The following DSEL variants were observed in gnomAD, a reference collection of about 807,000 sequenced individuals.
DSEL encodes the protein dermatan sulfate epimerase like, also known as dermatan-sulfate epimerase-like protein.
DSEL carries 61 observed loss-of-function variants against 96.6 expected under a neutral mutation model. The observed-to-expected ratio is 0.63, with a 90% CI of 0.51 to 0.78. The LOEUF (loss-of-function observed/expected upper bound fraction) is 0.78, where lower values mean the gene tolerates loss of function less well. Ranked by LOEUF, DSEL falls within the 30% of genes least tolerant of loss-of-function variation. The pLI, the probability that DSEL is intolerant of heterozygous loss-of-function variation, is 0.00. For synonymous variants in DSEL, 514 were observed against 502.0 expected, an observed-to-expected ratio of 1.02 and a Z score of -0.32; for missense variants, 1,320 against 1,430.8, an observed-to-expected ratio of 0.92 and a Z score of 1.25.
Position 67,514,744 on chromosome 18 carries a change from C to T in DSEL, c.-136G>A. ...TGTAAATCTGATATGCTGTGAAATC[C>T]AGCTGACATTCAGTACATTTTAAGC... On this transcript the variant is annotated 5_prime_UTR_variant, in exon 2 of 2. Transcript: ENST00000310045. 1 of 1,007,684 alleles carries T rather than the reference C, an allele frequency of 9.9e-7. No individual in the cohort carries two copies. Among genetic ancestry groups the T allele is most frequent in the Non-Finnish European group, 1.5e-6 (1 of 684,954 alleles). 62.4% of individuals were successfully genotyped at this position (1,007,684 alleles called of 1,614,324 possible).
chr18:67,512,006 A>T lies in DSEL; in HGVS notation c.2603T>A (p.Leu868His). 6.2e-7 allele frequency: 1 copy of T among 1,614,132 alleles called. No homozygotes were observed. The highest frequency in any genetic ancestry group is 1.6e-4 in the Middle Eastern group (1 of 6,062). ...TSLPGSGAEI[L>H]KQLFFNSSDF... ...ACTACTGTTGAAAAAAAGTTGTTTG[A>T]GAATTTCAGCTCCTGAACCAGGAAG... The change falls in exon 2 of 2, where the codon CTC (leucine) becomes CAC (histidine). Residue 868 changes from leucine to histidine, a missense_variant. By Grantham distance (99) the Leu-to-His change is moderately conservative (BLOSUM62 -3). Coordinates refer to ENST00000310045, the MANE Select transcript of DSEL (RefSeq NM_032160.3).
At position 67,506,615 on chromosome 18, in the gene DSEL, AC is replaced by A. The variant is rs1488663751; in HGVS notation, c.*4354del. 6.6e-6 allele frequency: 1 copy of A among 152,162 alleles called. No homozygotes were observed. The highest frequency in any genetic ancestry group is 2.4e-5 in the African/African-American group (1 of 41,438). 9.4% of individuals were successfully genotyped at this position (152,162 alleles called of 1,614,324 possible). ...CTTTTAGCTTTTTATTTTTGTATTAACAGGAGTCTTATTACACATAGGTCTG... is the reference window on the plus strand; with the variant it reads ...CTTTTAGCTTTTTATTTTTGTATTAAAGGAGTCTTATTACACATAGGTCTG... On this transcript the variant is annotated 3_prime_UTR_variant, in exon 2 of 2. Coordinates refer to ENST00000310045, the MANE Select transcript of DSEL (RefSeq NM_032160.3).
rs558552485 is a variant in DSEL at position 67,514,860 on chromosome 18, A to G, written c.-252T>C. On this transcript the variant is annotated 5_prime_UTR_variant, in exon 2 of 2. Transcript: ENST00000310045. ...CAGTAAAACTTTGAATAACGTTAAA[A>G]TCTCTAATTTTTCCATAATACACAG... is the stretch of plus-strand genomic sequence containing the variant. The G allele has an allele frequency of 9.7e-4, 474 of 488,322 alleles. 10 individuals carry two copies. The South Asian group carries it at 0.023, about 24-fold the overall frequency. The allele number at this position is 488,322 out of a possible 1,614,324, so 30.2% of individuals were successfully genotyped here. A position where few individuals can be genotyped will look rare whatever the true frequency, so the allele number is the denominator to read the frequency against.
chr18:67,515,900 CTT>C (rs10708052), intron 1 of DSEL, among the ~76,000 whole-genome samples: 19,758 of 141,536 alleles, frequency 0.14, 1,415 homozygotes, highest in Non-Finnish European at 0.17. Context: ...TTGAAAAGAT[CTT>C]TTTTTTTTTT....
Position 67,510,867 on chromosome 18 carries a change from C to CAT in DSEL, c.*102_*103insAT. The CAT allele has an allele frequency of 3.0e-6, 2 of 670,988 alleles. No individual in the cohort carries two copies. The highest frequency in any genetic ancestry group is 2.1e-6 in the Non-Finnish European group (1 of 475,746). The allele number at this position is 670,988 out of a possible 1,614,324, so 41.6% of individuals were successfully genotyped here. Reference sequence around the variant, plus strand: ...ACAACACTGAACACATACACGCGTGCACACACACACACACACTAAAGAATA... The same window carrying CAT: ...ACAACACTGAACACATACACGCGTGCATACACACACACACACACTAAAGAATA... On this transcript the variant is annotated 3_prime_UTR_variant, in exon 2 of 2. Transcript: ENST00000310045.
In DSEL at chr18:67,512,204, C is replaced by A. The variant is rs750994609; in HGVS notation, c.2405G>T (p.Arg802Leu). The change falls in exon 2 of 2, where the codon CGA (arginine) becomes CTA (leucine). Residue 802 changes from arginine to leucine, a missense_variant. Coordinates refer to ENST00000310045, the MANE Select transcript of DSEL (RefSeq NM_032160.3). Reference protein sequence around the residue: ...RFYLSFRKLMRWILILVIALW... With the variant: ...RFYLSFRKLMLWILILVIALW... The stretch of plus-strand genomic sequence containing the variant: ...GGCAATAACAAGTATTAATATCCAT[C>A]GCATTAGTTTTCTAAAAGAAAGGTA... 3.7e-6 allele frequency: 6 copies of A among 1,614,022 alleles called. No individual in the cohort carries two copies. Among genetic ancestry groups the A allele is most frequent in the South Asian group, 1.1e-5 (1 of 91,076 alleles).
At position 67,513,576 on chromosome 18, in the gene DSEL, C is replaced by G; in HGVS notation, c.1033G>C (p.Val345Leu). Reference sequence around the variant, plus strand: ...TTTAAGATGAACTTATCCAAGAAAACTAGCTGGCTTTCTGGACCATAAAAC... The same window carrying G: ...TTTAAGATGAACTTATCCAAGAAAAGTAGCTGGCTTTCTGGACCATAAAAC... ...NWFYGPESQL[V>L]FLDKFILKNG... Residue 345 changes from valine to leucine, a missense_variant, in exon 2 of 2, where the codon GTT becomes CTT. Transcript: ENST00000310045. 4 of 1,614,204 alleles carry G rather than the reference C, an allele frequency of 2.5e-6. No individual in the cohort carries two copies. Among genetic ancestry groups the G allele is most frequent in the Non-Finnish European group, 3.4e-6 (4 of 1,180,042 alleles).
chr18:67,507,637 CT>C lies in DSEL; in HGVS notation c.*3332del, dbSNP rs1277429446. 2.6e-5 allele frequency: 4 copies of C among 152,106 alleles called. No homozygotes were observed. Among genetic ancestry groups the C allele is most frequent in the Non-Finnish European group, 5.9e-5 (4 of 68,020 alleles). The allele number at this position is 152,106 out of a possible 1,614,324, so 9.4% of individuals were successfully genotyped here. A position where few individuals can be genotyped will look rare whatever the true frequency, so the allele number is the denominator to read the frequency against. On this transcript the variant is annotated 3_prime_UTR_variant, in exon 2 of 2. Coordinates refer to ENST00000310045, the MANE Select transcript of DSEL (RefSeq NM_032160.3). ...AAAGTAAGTGGTGGAGGAGGTTCTTCTTTGAATACATTTGCAGAGGGCAATG... is the reference window on the plus strand; with the variant it reads ...AAAGTAAGTGGTGGAGGAGGTTCTTCTTGAATACATTTGCAGAGGGCAATG...
Position 67,511,057 on chromosome 18 carries a change from C to G in DSEL, c.3552G>C (p.Gln1184His). The G allele has an allele frequency of 1.2e-6, 2 of 1,613,812 alleles. No individual in the cohort carries two copies. The highest frequency in any genetic ancestry group is 2.2e-5 in the South Asian group (2 of 90,928). ...ISPTNTNVWK[Q>H]NLPRDEIKLI... ...GTTTAATTTCATCTCTAGGCAAGTTCTGTTTCCAAACATTAGTATTAGTTG... is the reference window on the plus strand; with the variant it reads ...GTTTAATTTCATCTCTAGGCAAGTTGTGTTTCCAAACATTAGTATTAGTTG... Residue 1184 changes from glutamine to histidine, a missense_variant, in exon 2 of 2, where the codon CAG (glutamine) becomes CAC (histidine). By Grantham distance (24) the Gln-to-His change is conservative (BLOSUM62 0). This residue lies in a region of DSEL where 986 missense variants were observed against 1,066.4 expected (regional missense o/e 0.92). Coordinates refer to ENST00000310045, the MANE Select transcript of DSEL (RefSeq NM_032160.3).
rs2144054433 is a variant in DSEL, at chr18:67,514,053, T to C, written c.556A>G (p.Asn186Asp). The change falls in exon 2 of 2, where the codon AAC becomes GAC. Residue 186 changes from asparagine to aspartate, a missense_variant. By Grantham distance (23) the Asn-to-Asp change is conservative (BLOSUM62 1). Around this residue, in one of 3 missense-constraint regions of DSEL, gnomAD observed 323 missense variants for 333.1 expected, o/e 0.97. Transcript: ENST00000310045. Reference sequence around the variant, plus strand: ...TGTCTTCGATGATTATCTAATAAGTTATATAAAAAGTCAAAGGCAGTGGCA... The same window carrying C: ...TGTCTTCGATGATTATCTAATAAGTCATATAAAAAGTCAAAGGCAGTGGCA... ...GFATAFDFLY[N>D]LLDNHRRQKY... 6.2e-7 allele frequency: 1 copy of C among 1,614,092 alleles called. No individual in the cohort carries two copies. The highest frequency in any genetic ancestry group is 1.3e-5 in the African/African-American group (1 of 75,024).
Position 67,512,623 on chromosome 18 carries a change from A to C in DSEL, c.1986T>G (p.Thr662=), listed in dbSNP as rs1449324455. 6.2e-7 allele frequency: 1 copy of C among 1,614,128 alleles called. No individual in the cohort carries two copies. Among genetic ancestry groups the C allele is most frequent in the East Asian group, 2.2e-5 (1 of 44,882 alleles). ...TCTGAAAAGTAACATTAACAAATTG[A>C]GTCCATCGTTTTTTAAATTCAGCAG... is the stretch of plus-strand genomic sequence containing the variant. The part of the protein sequence containing the change: ...EQAAEFKKRW[T]QFVNVTFQME... Residue 662 remains threonine (T), a synonymous_variant, in exon 2 of 2, where the codon ACT becomes ACG. Transcript: ENST00000310045.
In DSEL at chr18:67,514,738, G is replaced by C. The variant is rs2089466260; in HGVS notation, c.-130C>G. Reference sequence around the variant, plus strand: ...AAAGACTGTAAATCTGATATGCTGTGAAATCCAGCTGACATTCAGTACATT... The same window carrying C: ...AAAGACTGTAAATCTGATATGCTGTCAAATCCAGCTGACATTCAGTACATT... On this transcript the variant is annotated 5_prime_UTR_variant, in exon 2 of 2. Coordinates refer to ENST00000310045, the MANE Select transcript of DSEL (RefSeq NM_032160.3). The C allele has an allele frequency of 9.5e-7, 1 of 1,057,404 alleles. No homozygotes were observed. Among genetic ancestry groups the C allele is most frequent in the Admixed American group, 2.5e-5 (1 of 40,026 alleles). 65.5% of individuals were successfully genotyped at this position (1,057,404 alleles called of 1,614,324 possible). A position where few individuals can be genotyped will look rare whatever the true frequency, so the allele number is the denominator to read the frequency against.
chr18:67,514,195 G>T lies in DSEL; in HGVS notation c.414C>A (p.Asp138Glu). ...LALYCLLCPE[D>E]KVAFEFVLEY... Reference sequence around the variant, plus strand: ...CCAAGACAAATTCAAAGGCAACTTTGTCTTCTGGGCATAACAAACAGTACA... The same window carrying T: ...CCAAGACAAATTCAAAGGCAACTTTTTCTTCTGGGCATAACAAACAGTACA... The change falls in exon 2 of 2, where the codon GAC becomes GAA. Residue 138 changes from aspartate to glutamate, a missense_variant. Asp to Glu is a conservative substitution (Grantham distance 45). Around this residue, in one of 3 missense-constraint regions of DSEL, gnomAD observed 323 missense variants for 333.1 expected, o/e 0.97. Transcript: ENST00000310045. 6.2e-7 allele frequency: 1 copy of T among 1,614,172 alleles called. No homozygotes were observed. The highest frequency in any genetic ancestry group is 8.5e-7 in the Non-Finnish European group (1 of 1,180,038).
chr18:67,507,504 T>A lies in DSEL; in HGVS notation c.*3466A>T, dbSNP rs527493627. 9 of 152,300 alleles carry A rather than the reference T, an allele frequency of 5.9e-5. No individual in the cohort carries two copies. In the South Asian group the frequency reaches 1.9e-3, roughly 32 times the overall value. The allele number at this position is 152,300 out of a possible 1,614,324, so 9.4% of individuals were successfully genotyped here. A position where few individuals can be genotyped will look rare whatever the true frequency, so the allele number is the denominator to read the frequency against. On this transcript the variant is annotated 3_prime_UTR_variant, in exon 2 of 2. Coordinates refer to ENST00000310045, the MANE Select transcript of DSEL (RefSeq NM_032160.3). ...CAAGCCAAACAAAGCAATTCAAAAA[T>A]TATCATTAATATTTACTCACTTAAA...
In DSEL at chr18:67,514,496, T is replaced by C. The variant is rs749261816; in HGVS notation, c.113A>G (p.Asp38Gly). The C allele has an allele frequency of 2.5e-6, 4 of 1,614,198 alleles. No individual in the cohort carries two copies. Among genetic ancestry groups the C allele is most frequent in the Non-Finnish European group, 3.4e-6 (4 of 1,180,030 alleles). ...NYSEWAVFTD[D>G]IDQFKTQKVQ... The stretch of plus-strand genomic sequence containing the variant: ...TTTCTGTGTTTTAAACTGATCTATA[T>C]CATCTGTGAAAACTGCCCATTCGGA... The change falls in exon 2 of 2, where the codon GAT becomes GGT. Residue 38 changes from aspartate (D) to glycine (G), a missense_variant. By Grantham distance (94) the Asp-to-Gly change is moderately conservative. This residue lies in a region of DSEL where 323 missense variants were observed against 333.1 expected (regional missense o/e 0.97). Coordinates refer to ENST00000310045, the MANE Select transcript of DSEL (RefSeq NM_032160.3).
In DSEL at chr18:67,511,801, G is replaced by A. The variant is rs2089444407; in HGVS notation, c.2808C>T (p.Asn936=). The change falls in exon 2 of 2, where the codon AAC becomes AAT. Residue 936 remains asparagine (N), a synonymous_variant. Coordinates refer to ENST00000310045, the MANE Select transcript of DSEL (RefSeq NM_032160.3). The part of the protein sequence containing the change: ...LVQDTKLHLQ[N]IHLHEPNRGK... ...CCCTATTGGGTTCATGCAGATGGATGTTTTGCAAATGTAATTTTGTGTCCT... is the reference window on the plus strand; with the variant it reads ...CCCTATTGGGTTCATGCAGATGGATATTTTGCAAATGTAATTTTGTGTCCT... The A allele has an allele frequency of 1.2e-6, 2 of 1,614,168 alleles. No homozygotes were observed. The highest frequency in any genetic ancestry group is 1.3e-5 in the African/African-American group (1 of 75,036).
At position 67,512,328 on chromosome 18, in the gene DSEL, G is replaced by T. The variant is rs1456542016; in HGVS notation, c.2281C>A (p.His761Asn). 6.2e-7 allele frequency: 1 copy of T among 1,614,064 alleles called. No individual in the cohort carries two copies. Among genetic ancestry groups the T allele is most frequent in the African/African-American group, 1.3e-5 (1 of 74,934 alleles). ...CCAAAGGGGAAAATAATCCTATCATGTCTTACAGGCTTTACTATTGCTTGA... is the reference window on the plus strand; with the variant it reads ...CCAAAGGGGAAAATAATCCTATCATTTCTTACAGGCTTTACTATTGCTTGA... ...GTQAIVKPVR[H>N]DRIIFPFGFK... The change falls in exon 2 of 2, where the codon CAT becomes AAT. Residue 761 changes from histidine (H) to asparagine (N), a missense_variant. Coordinates refer to ENST00000310045, the MANE Select transcript of DSEL (RefSeq NM_032160.3).
Position 67,511,857 on chromosome 18 carries a change from A to C in DSEL, c.2752T>G (p.Leu918Val). ...VSDIRSGHFR[L>V]LRGWLQSLVQ... ...AAAGACTGCAACCAGCCTCGGAGTA[A>C]ACGAAAATGCCCACTGCGGATATCT... The change falls in exon 2 of 2, where the codon TTA becomes GTA. Residue 918 changes from leucine to valine, a missense_variant. Physicochemically the swap from Leu to Val is conservative, Grantham distance 32. This residue lies in a region of DSEL where 986 missense variants were observed against 1,066.4 expected (regional missense o/e 0.92). Transcript: ENST00000310045. 6.2e-7 allele frequency: 1 copy of C among 1,614,166 alleles called. No homozygotes were observed. Among genetic ancestry groups the C allele is most frequent in the Non-Finnish European group, 8.5e-7 (1 of 1,180,034 alleles).
In DSEL at chr18:67,516,207, G is replaced by C. The variant is rs1032225285; in HGVS notation, c.-885+154C>G. 6.6e-6 allele frequency among the ~76,000 whole-genome samples: 1 copy of C among 152,198 alleles called. No individual in the cohort carries two copies. Among genetic ancestry groups the C allele is most frequent in the Non-Finnish European group, 1.5e-5 (1 of 68,036 alleles). ...GTCTTGGACAAGTCTCCCCTCTGTA[G>C]GAAACATTCAGGCTAGGAGTTTCCT... On this transcript the variant is annotated intron_variant, in intron 1 of 1. Coordinates refer to ENST00000310045, the MANE Select transcript of DSEL (RefSeq NM_032160.3). This position sits in a 1 kb window ranked among gnomAD's most constrained non-coding sequence, Gnocchi z 5.6.
Sources: gnomAD v4.1 joint callset for allele counts (sites outside exome capture counted in the v4.1 genomes callset) on GRCh38, gnomAD v4.1.1 for gene constraint, gnomAD v4.1.1 regional missense constraint, Gnocchi (gnomAD v3.1) non-coding constraint, MANE v1.5 for transcripts, NCBI Gene and HGNC (gene_info 2026-07-23, HGNC 2026-07-21) for gene names.